Variants in SCAPER observed in about 807,000 individuals in gnomAD.
The protein encoded by SCAPER is S-phase cyclin A associated protein in the ER, also known as S phase cyclin A-associated protein in the endoplasmic reticulum.
A neutral mutation model predicts 182.2 loss-of-function variants in SCAPER; 98 were observed. The observed-to-expected ratio is 0.54, with a 90% CI of 0.46 to 0.64. SCAPER has a LOEUF of 0.64. Ranked by LOEUF, SCAPER falls within the 30% of genes least tolerant of loss-of-function variation. The pLI is 0.00. For synonymous variants in SCAPER, 605 were observed against 564.6 expected (o/e 1.07, Z -1.01); for missense variants, 1,432 against 1,690.0 (o/e 0.85, Z 2.68).
intron 17 of SCAPER, among the ~76,000 whole-genome samples, chr15:76,722,901 G>T (rs545394492): frequency 6.6e-6 from 1 of 151,900 alleles, no homozygotes; most frequent in Non-Finnish European, 1.5e-5. Flanking sequence ...TTGATTTTTT[G>T]AAGGGTTTTT....
chr15:76,802,955 A>T (rs2065901073), intron 6 of SCAPER, among the ~76,000 whole-genome samples: 1 of 152,228 alleles, frequency 6.6e-6, no homozygotes, highest in Non-Finnish European at 1.5e-5. Flanking sequence ...TTTCTAGAGT[A>T]TCTAATTCTC....
At chr15:76,732,896 C>T (rs1221904182) in intron 16 of SCAPER, among the ~76,000 whole-genome samples, 1 of 152,212 alleles carries the variant, frequency 6.6e-6, no homozygotes, top group African/African-American at 2.4e-5. Context: ...TCTGCCTCAG[C>T]TGCCAGGCAG....
intron 26 of SCAPER, among the ~76,000 whole-genome samples, chr15:76,412,609 C>A (rs190781141): frequency 6.6e-6 from 1 of 152,160 alleles, no homozygotes; most frequent in Non-Finnish European, 1.5e-5. Flanking sequence ...ACCTATTGAT[C>A]AATCTTATAC....
At chr15:76,559,304 C>T (rs1444109332) in intron 23 of SCAPER, among the ~76,000 whole-genome samples, 1 of 150,892 alleles carries the variant, frequency 6.6e-6, no homozygotes, top group Admixed American at 6.6e-5. Flanking sequence ...GATCCACCTG[C>T]CTTGGCTTCC....
chr15:76,722,713 A>C (rs987461651), intron 17 of SCAPER, among the ~76,000 whole-genome samples: 1 of 152,080 alleles, frequency 6.6e-6, no homozygotes, highest in African/African-American at 2.4e-5. Flanking sequence ...GTTTATTTGC[A>C]TAGAGGTGTT....
intron 8 of SCAPER, among the ~76,000 whole-genome samples, chr15:76,779,524 G>A (rs1025939799): frequency 3.6e-4 from 55 of 152,118 alleles, no homozygotes; most frequent in Middle Eastern, 3.4e-3. Flanking sequence ...GGATAGCCCC[G>A]TAACTGTTAA....
intron 23 of SCAPER, among the ~76,000 whole-genome samples, chr15:76,524,476 T>C (rs1355283514): frequency 6.6e-6 from 1 of 152,078 alleles, no homozygotes; most frequent in Non-Finnish European, 1.5e-5. Context: ...TATGGATGAT[T>C]CCATTAGAAA....
In SCAPER at chr15:76,348,089, C is replaced by T. The variant is rs2460161; in HGVS notation, c.*544G>A. ...AGTTCGGGCAGACCAATGAATACAA[C>T]GCCCTAAGTTGATTTCAAATAGCCC... On this transcript the variant is annotated 3_prime_UTR_variant, in exon 32 of 32. Transcript: ENST00000563290. 16,083 of 152,210 alleles carry T rather than the reference C, an allele frequency of 0.11. 1,022 individuals carry two copies. Among genetic ancestry groups the T allele is most frequent in the African/African-American group, 0.18 (7,482 of 41,468 alleles). 9.4% of individuals were successfully genotyped at this position (152,210 alleles called of 1,614,324 possible).
chr15:76,629,408 C>T (rs1349464535), intron 21 of SCAPER, among the ~76,000 whole-genome samples: 1 of 152,140 alleles, frequency 6.6e-6, no homozygotes, highest in Non-Finnish European at 1.5e-5. Context: ...TCATAAATGG[C>T]TCTTATTATT....
intron 5 of SCAPER, among the ~76,000 whole-genome samples, chr15:76,806,244 A>G (rs1283857819): frequency 6.6e-6 from 1 of 152,220 alleles, no homozygotes; most frequent in African/African-American, 2.4e-5. Flanking sequence ...ATCCAAATTC[A>G]TTTGTTGCAC....
intron 15 of SCAPER, among the ~76,000 whole-genome samples, chr15:76,734,704 G>A (rs370891394): frequency 1.8e-4 from 27 of 152,054 alleles, no homozygotes; most frequent in African/African-American, 5.3e-4. Context: ...GTGAAACCCC[G>A]TCTCTACTAA....
chr15:76,742,117 T>G (rs547628691), intron 15 of SCAPER, among the ~76,000 whole-genome samples: 65 of 152,108 alleles, frequency 4.3e-4, no homozygotes, highest in African/African-American at 1.5e-3. Flanking sequence ...CCTGATGGTG[T>G]TCATATGAAG....
At chr15:76,573,413 A>ACAAAAACCCAAAAACT (rs1209148034) in intron 23 of SCAPER, among the ~76,000 whole-genome samples, 3 of 151,650 alleles carry the variant, frequency 2.0e-5, no homozygotes, top group African/African-American at 7.3e-5. Context: ...AACAAAACAA[A>ACAAAAACCCAAAAACT]ACAAAAACCC....
At chr15:76,786,016 A>G (rs1170786623) in intron 8 of SCAPER, among the ~76,000 whole-genome samples, 1 of 152,134 alleles carries the variant, frequency 6.6e-6, no homozygotes, top group East Asian at 1.9e-4. Context: ...CCTAGAACTA[A>G]AAGTATAATA....
chr15:76,819,002 C>T (rs2067303395), intron 5 of SCAPER, among the ~76,000 whole-genome samples: 3 of 152,216 alleles, frequency 2.0e-5, no homozygotes, highest in South Asian at 2.1e-4. Context: ...GCACAGCAGT[C>T]GGAGATCAAA....
chr15:76,616,637 T>A (rs990904253), intron 22 of SCAPER, among the ~76,000 whole-genome samples: 1 of 152,154 alleles, frequency 6.6e-6, no homozygotes. Flanking sequence ...ATGTATTTCA[T>A]CACCATTTTA....
intron 9 of SCAPER, among the ~76,000 whole-genome samples, chr15:76,772,937 T>G (rs2063549981): frequency 6.6e-6 from 1 of 151,938 alleles, no homozygotes; most frequent in African/African-American, 2.4e-5. Flanking sequence ...TTTATACAAA[T>G]ATCAAACTTG....
rs140640591 is a variant in SCAPER, at chr15:76,835,079, A to C, written c.393+6655T>G. Among the ~76,000 whole-genome samples the C allele has an allele frequency of 2.0e-4, 31 of 152,242 alleles. No homozygotes were observed. In the East Asian group the frequency reaches 4.6e-3, roughly 23 times the overall value. Reference sequence around the variant, plus strand: ...AGAACTGATAAATGAAACTTCATTAAAGTTTCAGAATACAAAATCAATATA... The same window carrying C: ...AGAACTGATAAATGAAACTTCATTACAGTTTCAGAATACAAAATCAATATA... On this transcript the variant is annotated intron_variant, in intron 5 of 31. Coordinates refer to ENST00000563290, the MANE Select transcript of SCAPER (RefSeq NM_020843.4).
At chr15:76,726,020 A>T (rs2060565950) in intron 17 of SCAPER, among the ~76,000 whole-genome samples, 1 of 149,806 alleles carries the variant, frequency 6.7e-6, no homozygotes, top group Non-Finnish European at 1.5e-5. Context: ...CCAAATTTAA[A>T]ACTTTTGTTC....
Sources: allele counts gnomAD v4.1 joint callset (sites outside exome capture counted in the v4.1 genomes callset), GRCh38; gene constraint gnomAD v4.1.1; transcripts MANE v1.5; gene names NCBI Gene and HGNC (gene_info 2026-07-23, HGNC 2026-07-21).